TRPM2: variants seen among roughly 807,000 people sequenced by gnomAD.
The protein encoded by TRPM2 is estrogen-responsive element-associated gene 1 protein.
A neutral mutation model predicts 174.0 loss-of-function variants in TRPM2; 161 were observed. The ratio of observed to expected loss-of-function variants is 0.93; its 90% CI spans 0.81 to 1.05. The LOEUF (loss-of-function observed/expected upper bound fraction) is 1.05. Among genes scored for constraint, TRPM2 ranks in the 50% least tolerant of loss-of-function variants. The pLI is 0.00. For missense variants in TRPM2, 2,057 were observed against 2,038.0 expected (o/e 1.01, Z -0.18); for synonymous variants, 954 against 861.3 (o/e 1.11, Z -1.88).
chr21:44,409,407 T>C (rs1344034195), intron 19 of TRPM2, among the ~76,000 whole-genome samples: 17 of 152,152 alleles, frequency 1.1e-4, no homozygotes, highest in African/African-American at 3.9e-4. Flanking sequence ...CATAAGGGCT[T>C]ATTTCTAGAG....
In TRPM2 at chr21:44,391,585, G is replaced by T. The variant is rs1300163664; in HGVS notation, c.1754G>T (p.Arg585Leu). ...PLYPRPRHND[R>L]LRLLLPVPHV... ...TATCCCCGGCCCCGGCACAACGACC[G>T]GCTGCGGCTCCTGCTGCCCGTTCCC... The change falls in exon 11 of 32, where the codon CGG (arginine) becomes CTG (leucine). Residue 585 changes from arginine to leucine, a missense_variant. By Grantham distance (102) the Arg-to-Leu change is moderately radical (BLOSUM62 -2). Coordinates refer to ENST00000397928, the MANE Select transcript of TRPM2 (RefSeq NM_003307.4). This position sits in a 1 kb window ranked among gnomAD's most constrained non-coding sequence, Gnocchi z 5.0. 1.3e-6 allele frequency: 2 copies of T among 1,589,290 alleles called. No homozygotes were observed. The highest frequency in any genetic ancestry group is 2.7e-5 in the African/African-American group (2 of 74,656).
At chr21:44,355,991 T>C (rs1456418268) in intron 2 of TRPM2, among the ~76,000 whole-genome samples, 1 of 151,400 alleles carries the variant, frequency 6.6e-6, no homozygotes. Flanking sequence ...ATCTCTAGAT[T>C]ACTTATAATA....
chr21:44,394,210 A>T (rs1294002090), intron 11 of TRPM2, among the ~76,000 whole-genome samples: 1 of 151,634 alleles, frequency 6.6e-6, no homozygotes, highest in East Asian at 1.9e-4. Flanking sequence ...TGCACTTCTT[A>T]AGTCCAGTGC....
rs1206288248 is a variant in TRPM2 at position 44,367,924 on chromosome 21, T to C, written c.604+990T>C. 2.0e-5 allele frequency among the ~76,000 whole-genome samples: 3 copies of C among 152,232 alleles called. No homozygotes were observed. The highest frequency in any genetic ancestry group is 7.2e-5 in the African/African-American group (3 of 41,452). On this transcript the variant is annotated intron_variant, in intron 4 of 31. Coordinates refer to ENST00000397928, the MANE Select transcript of TRPM2 (RefSeq NM_003307.4). The surrounding 1 kb of genome is among the most constrained non-coding windows in gnomAD (Gnocchi z 4.6). ...GGACTGGGTTTAACGCAGGTCACCA[T>C]CCCACAGGCTCTTTCTGAAGCTTTG... is the stretch of plus-strand genomic sequence containing the variant.
intron 19 of TRPM2, among the ~76,000 whole-genome samples, chr21:44,413,359 CA>C (rs2050169616): frequency 1.3e-5 from 2 of 151,834 alleles, no homozygotes; most frequent in Admixed American, 6.6e-5. Context: ...TTTCCTGCCT[CA>C]GCCTCCCGAG....
At chr21:44,428,741 TAGGTGTGGCTCTTCCCTG>T (rs2050920375) in intron 27 of TRPM2, among the ~76,000 whole-genome samples, 1 of 76,332 alleles carries the variant, frequency 1.3e-5, no homozygotes, top group South Asian at 4.9e-4. Context: ...CTCCTCCCCT[TAGGTGTGGCTCTTCCCTG>T]AGGTGTGGCT....
chr21:44,377,646 G>A (rs2048745136), intron 6 of TRPM2, 66 bp from the exon 7 acceptor site: 2 of 1,599,186 alleles, frequency 1.3e-6, no homozygotes, highest in African/African-American at 1.4e-5. Context: ...TTGTTCAGGT[G>A]TGGCCCTCAC....
chr21:44,350,717 C>A (rs2122996232), upstream of TRPM2, among the ~76,000 whole-genome samples: 292 of 134,110 alleles, frequency 2.2e-3, 2 homozygotes, highest in Middle Eastern at 0.013. Flanking sequence ...GCAGGGGCAC[C>A]GGTGGGGTTC....
Position 44,438,973 on chromosome 21 carries a change from C to A in TRPM2, c.4168-94C>A, listed in dbSNP as rs543591477. 1.9e-6 allele frequency: 2 copies of A among 1,031,010 alleles called. No homozygotes were observed. The highest frequency in any genetic ancestry group is 3.2e-5 in the African/African-American group (2 of 63,086). 63.9% of individuals were successfully genotyped at this position (1,031,010 alleles called of 1,614,324 possible). A position where few individuals can be genotyped will look rare whatever the true frequency, so the allele number is the denominator to read the frequency against. ...GCTCCCAGGGCTGGGCCGCTGCCCA[C>A]GCCGGGCAGGAGGCCAGTGGAGACG... On this transcript the variant is annotated intron_variant, in intron 29 of 31. Transcript: ENST00000397928. The surrounding 1 kb of genome is among the most constrained non-coding windows in gnomAD (Gnocchi z 5.9).
In TRPM2 at chr21:44,391,430, C is replaced by T. The variant is rs375416277; in HGVS notation, c.1599C>T (p.His533=). Residue 533 remains histidine (H), a synonymous_variant, in exon 11 of 32, where the codon CAC becomes CAT. Coordinates refer to ENST00000397928, the MANE Select transcript of TRPM2 (RefSeq NM_003307.4). The surrounding 1 kb of genome is among the most constrained non-coding windows in gnomAD (Gnocchi z 5.0). ...ACCTGGACCCCTCCTGCCTGTTCCA[C>T]AGCAAGCTGCAGAAGGTGCTGGTGG... ...YENLDPSCLF[H]SKLQKVLVED... The T allele has an allele frequency of 3.1e-5, 50 of 1,614,010 alleles. No homozygotes were observed. The African/African-American group carries it at 6.1e-4, about 20-fold the overall frequency.
In TRPM2 at chr21:44,441,899, A is replaced by T; in HGVS notation, c.*82A>T. On this transcript the variant is annotated 3_prime_UTR_variant, in exon 32 of 32. Transcript: ENST00000397928. ...CTTCTCTCTCCTGAGCCTGGCCAGG[A>T]CTCAGGCTGTTCCTGGGCCCTGCAC... The T allele has an allele frequency of 1.3e-6, 2 of 1,481,584 alleles. No individual in the cohort carries two copies. The highest frequency in any genetic ancestry group is 2.8e-5 in the African/African-American group (2 of 71,136). The allele number at this position is 1,481,584 out of a possible 1,614,324, so 91.8% of individuals were successfully genotyped here. A position where few individuals can be genotyped will look rare whatever the true frequency, so the allele number is the denominator to read the frequency against.
At chr21:44,404,159 A>G (rs1299437852) in intron 16 of TRPM2, among the ~76,000 whole-genome samples, 1 of 149,134 alleles carries the variant, frequency 6.7e-6, no homozygotes, top group Non-Finnish European at 1.5e-5. Context: ...ACAGACACAT[A>G]CACATATATA....
At chr21:44,437,875 G>A (rs1425883148) in intron 29 of TRPM2, among the ~76,000 whole-genome samples, 14 of 152,254 alleles carry the variant, frequency 9.2e-5, no homozygotes, top group Admixed American at 9.2e-4. Flanking sequence ...TCTGAGTCCT[G>A]CCAGGCCTGG....
At chr21:44,441,549 A>G (rs2051504984) in intron 31 of TRPM2, 143 bp from the exon 32 acceptor site, 1 of 1,184,058 alleles carries the variant, frequency 8.4e-7, no homozygotes, top group Non-Finnish European at 1.1e-6. Flanking sequence ...GGTGCACCTG[A>G]CGCAGGGGTC....
Position 44,353,671 on chromosome 21 carries a change from C to A in TRPM2, c.-30C>A. 1 of 1,459,484 alleles carries A rather than the reference C, an allele frequency of 6.9e-7. No homozygotes were observed. Among genetic ancestry groups the A allele is most frequent in the Non-Finnish European group, 9.0e-7 (1 of 1,107,286 alleles). 90.4% of individuals were successfully genotyped at this position (1,459,484 alleles called of 1,614,324 possible). A position where few individuals can be genotyped will look rare whatever the true frequency, so the allele number is the denominator to read the frequency against. On this transcript the variant is annotated 5_prime_UTR_variant, in exon 1 of 32. Transcript: ENST00000397928. Reference sequence around the variant, plus strand: ...AGAGGACTGTCCTGAGGGCAGCAGGCCTGGTTGCAGCTGGCGTGGGGGTCT... The same window carrying A: ...AGAGGACTGTCCTGAGGGCAGCAGGACTGGTTGCAGCTGGCGTGGGGGTCT...
In TRPM2 at chr21:44,362,775, G is replaced by A. The variant is rs80005630; in HGVS notation, c.255-1339G>A. On this transcript the variant is annotated intron_variant, in intron 2 of 31. Coordinates refer to ENST00000397928, the MANE Select transcript of TRPM2 (RefSeq NM_003307.4). ...GTCCAAACTTCCTGTCTTTTCTGAG[G>A]TGTTTTTTTTGTTTTTTTTGAGGAG... 0.014 allele frequency among the ~76,000 whole-genome samples: 2,109 copies of A among 151,694 alleles called. 54 individuals are homozygous for A. The East Asian group carries it at 0.14, about 10-fold the overall frequency.
chr21:44,369,020 C>T, intron 4 of TRPM2, 157 bp from the exon 5 acceptor site: 1 of 795,724 alleles, frequency 1.3e-6, no homozygotes, highest in Non-Finnish European at 1.9e-6. Flanking sequence ...AACCTCGGTT[C>T]CTTACACCTG....
chr21:44,371,779 G>A lies in TRPM2; in HGVS notation c.771+2436G>A, dbSNP rs141258224. ...GGGTGGCCATGATTCAGCCAACTGC[G>A]GTCCTCCCTCTGACCTCAAAGATTT... On this transcript the variant is annotated intron_variant, in intron 5 of 31. Transcript: ENST00000397928. Among the ~76,000 whole-genome samples the A allele has an allele frequency of 5.1e-3, 782 of 152,278 alleles. 12 individuals carry two copies. Among genetic ancestry groups the A allele is most frequent in the African/African-American group, 0.017 (724 of 41,554 alleles).
rs1238955605 is a variant in TRPM2, at chr21:44,427,082, G to A, written c.3945G>A (p.Gly1315=). The A allele has an allele frequency of 6.2e-7, 1 of 1,604,116 alleles. No individual in the cohort carries two copies. The highest frequency in any genetic ancestry group is 1.1e-5 in the South Asian group (1 of 89,180). Residue 1315 remains glycine (G), a synonymous_variant, in exon 27 of 32, where the codon GGG becomes GGA. Coordinates refer to ENST00000397928, the MANE Select transcript of TRPM2 (RefSeq NM_003307.4). ...DGLRDRRSFH[G]PYTVQAGLPL... ...TGAGGGACCGCCGGAGCTTCCACGG[G>A]CCGTACACAGTGCAGGCCGGGTTGC...
Sources: gnomAD v4.1 joint callset for allele counts (sites outside exome capture counted in the v4.1 genomes callset) on GRCh38, gnomAD v4.1.1 for gene constraint, Gnocchi (gnomAD v3.1) non-coding constraint, MANE v1.5 for transcripts, NCBI Gene and HGNC (gene_info 2026-07-23, HGNC 2026-07-21) for gene names.